PTPRD: variants seen among roughly 807,000 people sequenced by gnomAD.
PTPRD encodes the protein protein tyrosine phosphatase receptor type D.
PTPRD carries 34 observed loss-of-function variants against 214.5 expected under a neutral mutation model. The observed-to-expected ratio is 0.16, with a 90% CI of 0.12 to 0.21. The LOEUF is 0.21. PTPRD is among the 10% of genes least tolerant of loss of function. The pLI, the probability that PTPRD is intolerant of heterozygous loss-of-function variation, is 1.00. For synonymous variants in PTPRD, 1,128 were observed against 845.7 expected, an observed-to-expected ratio of 1.33 and a Z score of -5.79; for missense variants, 2,545 against 2,398.7, an observed-to-expected ratio of 1.06 and a Z score of -1.27.
chr9:9,130,729 G>C (rs2099841354), intron 10 of PTPRD, among the ~76,000 whole-genome samples: 1 of 152,108 alleles, frequency 6.6e-6, no homozygotes, highest in African/African-American at 2.4e-5. Context: ...GTTGCGTATG[G>C]ATAACGATTG....
At chr9:9,560,611 A>G (rs2082667576) in intron 8 of PTPRD, among the ~76,000 whole-genome samples, 1 of 152,152 alleles carries the variant, frequency 6.6e-6, no homozygotes, top group African/African-American at 2.4e-5. Context: ...CAGGGGCTGA[A>G]GACCCACTCA....
intron 39 of PTPRD, among the ~76,000 whole-genome samples, chr9:8,361,781 A>T (rs936055508): frequency 1.3e-5 from 2 of 151,684 alleles, no homozygotes; most frequent in East Asian, 3.9e-4. Context: ...GGTATGTTTG[A>T]AAATGACCAA....
intron 7 of PTPRD, 131 bp from the exon 8 acceptor site, chr9:9,574,912 A>C (rs1321663683): frequency 6.6e-6 from 1 of 152,126 alleles, no homozygotes; most frequent in African/African-American, 2.4e-5. Context: ...ATCACTTGAC[A>C]AACATTTTTG....
intron 3 of PTPRD, among the ~76,000 whole-genome samples, chr9:10,049,560 C>G (rs978627704): frequency 2.0e-5 from 3 of 152,012 alleles, no homozygotes; most frequent in African/African-American, 7.2e-5. Flanking sequence ...GATTTGAGGT[C>G]ATTGTTAATA....
intron 7 of PTPRD, among the ~76,000 whole-genome samples, chr9:9,705,087 C>G (rs2097574236): frequency 6.6e-6 from 1 of 152,178 alleles, no homozygotes; most frequent in Non-Finnish European, 1.5e-5. Context: ...TGAGCATTTT[C>G]TAGCACTACA....
At chr9:9,267,704 G>C (rs1386667802) in intron 9 of PTPRD, among the ~76,000 whole-genome samples, 1 of 150,992 alleles carries the variant, frequency 6.6e-6, no homozygotes, top group African/African-American at 2.4e-5. Flanking sequence ...TTTATCCCTG[G>C]AATGCAAGGA....
chr9:8,316,871 A>T lies in PTPRD; in HGVS notation c.*1003T>A, dbSNP rs1822195252. 1 of 229,460 alleles carries T rather than the reference A, an allele frequency of 4.4e-6. No homozygotes were observed. The highest frequency in any genetic ancestry group is 2.3e-5 in the African/African-American group (1 of 43,720). 14.2% of individuals were successfully genotyped at this position (229,460 alleles called of 1,614,324 possible). On this transcript the variant is annotated 3_prime_UTR_variant, in exon 46 of 46. Transcript: ENST00000381196. ...GTTTACAATAGCTTTTCTACGTTTA[A>T]AAAAACTAAATCATGGAAGAACTGA...
At chr9:10,373,686 T>C (rs576962964) in intron 2 of PTPRD, among the ~76,000 whole-genome samples, 7 of 152,220 alleles carry the variant, frequency 4.6e-5, no homozygotes, top group African/African-American at 1.7e-4. Flanking sequence ...TTTTTCACTC[T>C]TTCTCTTTCC....
intron 7 of PTPRD, among the ~76,000 whole-genome samples, chr9:9,648,047 C>A (rs1005709032): frequency 1.3e-5 from 2 of 152,094 alleles, no homozygotes; most frequent in Admixed American, 1.3e-4. Flanking sequence ...TTTCTGCTAA[C>A]TCCCCTGCAC....
intron 11 of PTPRD, among the ~76,000 whole-genome samples, chr9:8,807,154 C>T (rs950270662): frequency 1.3e-5 from 2 of 152,024 alleles, no homozygotes; most frequent in Non-Finnish European, 2.9e-5. Context: ...CTGGGTAACA[C>T]GGTGAAACCC....
chr9:9,528,034 G>T (rs926776367), intron 8 of PTPRD, among the ~76,000 whole-genome samples: 1 of 152,172 alleles, frequency 6.6e-6, no homozygotes, highest in African/African-American at 2.4e-5. Context: ...TGCCTATAGG[G>T]CATTTCTAGG....
chr9:9,838,054 T>C (rs559591241), intron 5 of PTPRD, among the ~76,000 whole-genome samples: 1 of 152,200 alleles, frequency 6.6e-6, no homozygotes. Context: ...TTACTGAGAA[T>C]GATGATTTCC....
At chr9:10,270,708 TCTTGA>T (rs1459482903) in intron 3 of PTPRD, among the ~76,000 whole-genome samples, 2 of 152,228 alleles carry the variant, frequency 1.3e-5, no homozygotes, top group African/African-American at 4.8e-5. Context: ...GTGGAGTATA[TCTTGA>T]CTTGAATGCA....
At chr9:10,051,585 T>A (rs1439335176) in intron 3 of PTPRD, among the ~76,000 whole-genome samples, 3 of 152,026 alleles carry the variant, frequency 2.0e-5, no homozygotes, top group Non-Finnish European at 2.9e-5. Flanking sequence ...TATCTCCTAA[T>A]GCTATCCCTC....
chr9:8,843,196 T>C (rs1219575350), intron 11 of PTPRD, among the ~76,000 whole-genome samples: 4 of 152,204 alleles, frequency 2.6e-5, no homozygotes, highest in African/African-American at 9.7e-5. Context: ...TAGTACTATA[T>C]TTGTTCCTTT....
At chr9:9,719,074 G>A (rs2097887670) in intron 7 of PTPRD, among the ~76,000 whole-genome samples, 1 of 152,130 alleles carries the variant, frequency 6.6e-6, no homozygotes, top group Non-Finnish European at 1.5e-5. Flanking sequence ...CAGTTGAATG[G>A]TGCTTTTTCC....
chr9:10,126,889 T>C (rs904752687), intron 3 of PTPRD, among the ~76,000 whole-genome samples: 3 of 151,268 alleles, frequency 2.0e-5, no homozygotes, highest in Non-Finnish European at 4.4e-5. Context: ...TAGTAGTAGA[T>C]AGAAATTGCC....
chr9:10,096,601 G>T (rs983766182), intron 3 of PTPRD, among the ~76,000 whole-genome samples: 10 of 151,716 alleles, frequency 6.6e-5, no homozygotes, highest in African/African-American at 2.4e-4. Context: ...TTTTTTTCTT[G>T]TAAATTTGTT....
intron 2 of PTPRD, among the ~76,000 whole-genome samples, chr9:10,558,309 G>C (rs1428810395): frequency 6.6e-6 from 1 of 152,102 alleles, no homozygotes; most frequent in Non-Finnish European, 1.5e-5. Flanking sequence ...GATCATTTTA[G>C]ATGGGATATT....
Sources: allele counts gnomAD v4.1 joint callset (sites outside exome capture counted in the v4.1 genomes callset), GRCh38; gene constraint gnomAD v4.1.1; transcripts MANE v1.5; gene names NCBI Gene and HGNC (gene_info 2026-07-23, HGNC 2026-07-21).